PLCG2: variants seen among roughly 807,000 people sequenced by gnomAD.
PLCG2 encodes 1-phosphatidylinositol 4,5-bisphosphate phosphodiesterase gamma-2.
PLCG2 carries 69 observed loss-of-function variants against 175.6 expected under a neutral mutation model. That is an observed-to-expected ratio of 0.39 (90% CI 0.32 to 0.48). The LOEUF (loss-of-function observed/expected upper bound fraction) is 0.48, where lower values mean the gene tolerates loss of function less well. Ranked by LOEUF, PLCG2 falls within the 20% of genes least tolerant of loss-of-function variation. The pLI, the probability that PLCG2 is intolerant of heterozygous loss-of-function variation, is 0.91. For synonymous variants in PLCG2, 827 were observed against 624.0 expected (o/e 1.33, Z -4.85); for missense variants, 1,798 against 1,650.9 (o/e 1.09, Z -1.54).
chr16:81,856,499 G>A (rs1016624598), intron 3 of PLCG2, among the ~76,000 whole-genome samples: 1 of 152,136 alleles, frequency 6.6e-6, no homozygotes, highest in African/African-American at 2.4e-5. Flanking sequence ...TACTCTCCTG[G>A]GTATTAGCAA....
chr16:81,801,550 T>C (rs1043489847), intron 2 of PLCG2, among the ~76,000 whole-genome samples: 1 of 152,218 alleles, frequency 6.6e-6, no homozygotes, highest in Non-Finnish European at 1.5e-5. Flanking sequence ...TTTAGGTTGT[T>C]TCCAATCATG....
At chr16:81,877,127 G>A (rs1227491992) in intron 7 of PLCG2, among the ~76,000 whole-genome samples, 1 of 152,194 alleles carries the variant, frequency 6.6e-6, no homozygotes, top group Non-Finnish European at 1.5e-5. Context: ...ATTTCCTGGG[G>A]CCGCTGTGGC....
At chr16:81,813,815 A>G (rs550731344) in intron 2 of PLCG2, among the ~76,000 whole-genome samples, 2 of 152,322 alleles carry the variant, frequency 1.3e-5, no homozygotes, top group Non-Finnish European at 2.9e-5. Flanking sequence ...TGGTGGTCTC[A>G]TAGTAGCTAG....
intron 2 of PLCG2, among the ~76,000 whole-genome samples, chr16:81,791,467 G>C (rs1370132920): frequency 6.6e-6 from 1 of 152,146 alleles, no homozygotes; most frequent in Non-Finnish European, 1.5e-5. Flanking sequence ...CCTGGACTGA[G>C]GTCATTTGGT....
At chr16:81,741,757 G>C (rs1002186984) in intron 1 of PLCG2, among the ~76,000 whole-genome samples, 3 of 152,150 alleles carry the variant, frequency 2.0e-5, no homozygotes, top group African/African-American at 7.2e-5. Context: ...GTTGCAGTGA[G>C]CTGAGATTGT....
intron 2 of PLCG2, among the ~76,000 whole-genome samples, chr16:81,846,709 A>G (rs12932903): frequency 0.29 from 44,742 of 152,044 alleles, 7,328 homozygotes; most frequent in Non-Finnish European, 0.38. Context: ...TCCTGGCTTC[A>G]TCTATAGATT....
At chr16:81,945,766 C>G (rs1032749142) in intron 30 of PLCG2, among the ~76,000 whole-genome samples, 5 of 152,166 alleles carry the variant, frequency 3.3e-5, no homozygotes, top group African/African-American at 1.2e-4. Flanking sequence ...AGATAAAACA[C>G]ACTCCCTGGT....
At chr16:81,816,603 C>G (rs1017886892) in intron 2 of PLCG2, among the ~76,000 whole-genome samples, 1 of 142,942 alleles carries the variant, frequency 7.0e-6, no homozygotes, top group Non-Finnish European at 1.5e-5. Flanking sequence ...CTCAGCCTCA[C>G]AAGTAGCTGG....
intron 19 of PLCG2, among the ~76,000 whole-genome samples, chr16:81,913,305 A>G (rs910515445): frequency 1.3e-5 from 2 of 152,164 alleles, no homozygotes; most frequent in African/African-American, 2.4e-5. Flanking sequence ...TACGGTGGTA[A>G]CAGTCTGCTA....
chr16:81,785,768 C>A (rs1910941102), intron 1 of PLCG2, 175 bp from the exon 2 acceptor site: 1 of 500,940 alleles, frequency 2.0e-6, no homozygotes, highest in Non-Finnish European at 3.6e-6. Context: ...CCATTTAAAC[C>A]TTTGTGTCCT....
intron 2 of PLCG2, among the ~76,000 whole-genome samples, chr16:81,795,015 C>T (rs1911403611): frequency 6.6e-6 from 1 of 152,156 alleles, no homozygotes; most frequent in Admixed American, 6.5e-5. Context: ...GTCTTCTATC[C>T]TGGATGACAA....
At chr16:81,870,488 GC>G (rs1293254159) in intron 6 of PLCG2, among the ~76,000 whole-genome samples, 1 of 152,172 alleles carries the variant, frequency 6.6e-6, no homozygotes, top group African/African-American at 2.4e-5. Flanking sequence ...GAGGAGTTAC[GC>G]ATCATGTCTC....
At chr16:81,773,882 T>C (rs1157444101) in intron 2 of PLCG2, among the ~76,000 whole-genome samples, 3 of 152,086 alleles carry the variant, frequency 2.0e-5, no homozygotes, top group African/African-American at 7.2e-5. Context: ...CCTTTTTGTG[T>C]TCCTCCAACT....
intron 6 of PLCG2, 30 bp from the exon 7 acceptor site, chr16:81,870,822 A>G (rs1256874532): frequency 1.6e-6 from 2 of 1,282,612 alleles, no homozygotes; most frequent in African/African-American, 3.3e-5. Flanking sequence ...GACATCAAAA[A>G]TCATGTGGTC....
At chr16:81,882,129 C>A (rs938324467) in intron 8 of PLCG2, among the ~76,000 whole-genome samples, 26 of 152,204 alleles carry the variant, frequency 1.7e-4, no homozygotes, top group African/African-American at 5.5e-4. Context: ...GACCTCTTTT[C>A]CCCAGGCTCC....
chr16:81,867,713 T>C (rs2143521653), intron 5 of PLCG2, among the ~76,000 whole-genome samples: 1 of 152,166 alleles, frequency 6.6e-6, no homozygotes, highest in Non-Finnish European at 1.5e-5. Context: ...TTTTTTATTT[T>C]TGGAGATGGA....
Position 81,935,772 on chromosome 16 carries a change from TCA to T in PLCG2, c.2843-396_2843-395del, listed in dbSNP as rs1910680510. 3.0e-6 allele frequency: 3 copies of T among 985,402 alleles called. No individual in the cohort carries two copies. In the African/African-American group the frequency reaches 5.2e-5, roughly 17 times the overall value. 61.0% of individuals were successfully genotyped at this position (985,402 alleles called of 1,614,324 possible). ...ACCTGTGGGCTTTGGCAGGTGATTC[TCA>T]GTTTGTTCATCTTGTGTCTGTGGTC... is the stretch of plus-strand genomic sequence containing the variant. On this transcript the variant is annotated intron_variant, in intron 26 of 32. Coordinates refer to ENST00000564138, the MANE Select transcript of PLCG2 (RefSeq NM_002661.5).
chr16:81,845,246 T>C (rs183986270), intron 2 of PLCG2, among the ~76,000 whole-genome samples: 13 of 152,374 alleles, frequency 8.5e-5, no homozygotes, highest in African/African-American at 2.9e-4. Context: ...CTGTCCCGTG[T>C]TATTTCTTAT....
intron 5 of PLCG2, among the ~76,000 whole-genome samples, chr16:81,859,955 A>G (rs1188705009): frequency 6.6e-6 from 1 of 151,956 alleles, no homozygotes; most frequent in Non-Finnish European, 1.5e-5. Flanking sequence ...GTCCTGCACA[A>G]AGCTCTATGA....
Sources: gnomAD v4.1 joint callset for allele counts (sites outside exome capture counted in the v4.1 genomes callset) on GRCh38, gnomAD v4.1.1 for gene constraint, MANE v1.5 for transcripts, NCBI Gene and HGNC (gene_info 2026-07-23, HGNC 2026-07-21) for gene names.